The following TLL2 variants were observed in gnomAD, a reference collection of about 807,000 sequenced individuals.
TLL2 encodes the protein tolloid like 2, also known as tolloid-like protein 2.
Under a neutral mutation model 123.0 loss-of-function variants are expected in TLL2, and 106 were observed. The ratio of observed to expected loss-of-function variants is 0.86; its 90% CI spans 0.74 to 1.01. The LOEUF (loss-of-function observed/expected upper bound fraction) is 1.01. Ranked by LOEUF, TLL2 falls within the 50% of genes least tolerant of loss-of-function variation. TLL2 has a pLI of 0.00. For synonymous variants in TLL2, 494 were observed against 516.8 expected, an observed-to-expected ratio of 0.96 and a Z score of 0.60; for missense variants, 1,332 against 1,336.7, an observed-to-expected ratio of 1.00 and a Z score of 0.06.
chr10:96,451,090 C>T (rs917791981), intron 2 of TLL2, among the ~76,000 whole-genome samples: 8 of 152,218 alleles, frequency 5.3e-5, no homozygotes, highest in African/African-American at 1.9e-4. Flanking sequence ...AGGTCAGCGG[C>T]CCGTGATGCA....
chr10:96,428,771 C>G, intron 4 of TLL2, 23 bp from the exon 5 acceptor site: 2 of 1,476,626 alleles, frequency 1.4e-6, no homozygotes, highest in Non-Finnish European at 1.9e-6. Flanking sequence ...GGCAAGCACT[C>G]GACTTCAATG....
Position 96,428,618 on chromosome 10 carries a change from T to G in TLL2, c.638+13A>C. On this transcript the variant is annotated intron_variant, in intron 5 of 20. Transcript: ENST00000357947. ...CTGATTCTGCAGAGGTGGCCTCGCT[T>G]TCGTTTACTTACCCACAGGTTCTGT... 1 of 1,587,878 alleles carries G rather than the reference T, an allele frequency of 6.3e-7. No homozygotes were observed. Among genetic ancestry groups the G allele is most frequent in the Non-Finnish European group, 8.6e-7 (1 of 1,157,516 alleles).
chr10:96,418,870 T>G, intron 7 of TLL2, among the ~76,000 whole-genome samples: 1 of 150,284 alleles, frequency 6.7e-6, no homozygotes, highest in East Asian at 1.9e-4. Context: ...TAATTATTAA[T>G]AGATAAATTA....
chr10:96,430,400 C>T (rs1305207257), intron 4 of TLL2, among the ~76,000 whole-genome samples: 1 of 152,226 alleles, frequency 6.6e-6, no homozygotes, highest in Non-Finnish European at 1.5e-5. Context: ...CCATGCTTCT[C>T]AGACAGCCTA....
At chr10:96,480,530 A>C in intron 1 of TLL2, 71 bp from the exon 2 acceptor site, 2 of 1,209,098 alleles carry the variant, frequency 1.7e-6, no homozygotes, top group Non-Finnish European at 2.5e-6. Context: ...TAATGCCCCA[A>C]AGGGCATTGG....
intron 11 of TLL2, among the ~76,000 whole-genome samples, chr10:96,396,391 G>T (rs1338848609): frequency 6.6e-6 from 1 of 152,176 alleles, no homozygotes; most frequent in Admixed American, 6.5e-5. Context: ...ATTCAAGGTA[G>T]AGAGTACAGG....
At chr10:96,436,406 T>C (rs956236288) in intron 3 of TLL2, among the ~76,000 whole-genome samples, 3 of 152,246 alleles carry the variant, frequency 2.0e-5, no homozygotes, top group Non-Finnish European at 4.4e-5. Context: ...GGGTTTCATA[T>C]GTTGTTCAAA....
intron 2 of TLL2, among the ~76,000 whole-genome samples, chr10:96,459,689 AAAAAAAAAAAAAAAAAATATAT>A (rs1847055265): frequency 3.7e-5 from 2 of 54,468 alleles, no homozygotes; most frequent in South Asian, 6.7e-4. Flanking sequence ...AAAAAAAAAA[AAAAAAAAAAAAAAAAAATATAT>A]ATATATATAT....
At position 96,478,796 on chromosome 10, in the gene TLL2, G is replaced by A. The variant is rs560456276; in HGVS notation, c.286+1553C>T. Among the ~76,000 whole-genome samples the A allele has an allele frequency of 2.0e-5, 3 of 152,292 alleles. No homozygotes were observed. In the East Asian group the frequency reaches 5.8e-4, roughly 29 times the overall value. On this transcript the variant is annotated intron_variant, in intron 2 of 20. Coordinates refer to ENST00000357947, the MANE Select transcript of TLL2 (RefSeq NM_012465.4). ...CAGACCAGTGGCTACTTTGGGACAC[G>A]TATTAACTGGGAGGGATGTGAGGAG...
intron 9 of TLL2, among the ~76,000 whole-genome samples, chr10:96,410,016 G>A (rs919003695): frequency 2.6e-5 from 4 of 152,204 alleles, no homozygotes; most frequent in African/African-American, 9.6e-5. Context: ...AGCCAGCTGT[G>A]GGCTGGCTCC....
chr10:96,376,857 C>A, intron 17 of TLL2, 38 bp from the exon 18 acceptor site: 2 of 1,487,646 alleles, frequency 1.3e-6, no homozygotes, highest in South Asian at 2.8e-5. Flanking sequence ...AGAGAGAAGT[C>A]ATTCACTGTG....
chr10:96,419,531 G>A (rs1846599225), intron 7 of TLL2, among the ~76,000 whole-genome samples: 1 of 151,540 alleles, frequency 6.6e-6, no homozygotes, highest in African/African-American at 2.4e-5. Context: ...GCCAGGAGAA[G>A]GTCAAAGAGG....
intron 2 of TLL2, among the ~76,000 whole-genome samples, chr10:96,453,934 A>AGCC (rs1396784634): frequency 1.3e-5 from 2 of 152,254 alleles, no homozygotes; most frequent in East Asian, 1.9e-4. Context: ...TTACTTTATA[A>AGCC]TCAGGAAACA....
At chr10:96,459,924 A>G (rs4347313) in intron 2 of TLL2, among the ~76,000 whole-genome samples, 58,131 of 150,584 alleles carry the variant, frequency 0.39, 11,490 homozygotes, top group Middle Eastern at 0.5. Flanking sequence ...GAAAGAAAGT[A>G]TAAGAAAGAA....
intron 5 of TLL2, among the ~76,000 whole-genome samples, chr10:96,424,035 A>G (rs1325925548): frequency 6.6e-6 from 1 of 152,214 alleles, no homozygotes; most frequent in Admixed American, 6.5e-5. Flanking sequence ...TCATTATGTT[A>G]AGTGAAATAC....
At chr10:96,409,656 G>A (rs1349822087) in intron 9 of TLL2, among the ~76,000 whole-genome samples, 1 of 152,212 alleles carries the variant, frequency 6.6e-6, no homozygotes, top group Non-Finnish European at 1.5e-5. Context: ...TTGGACCAGA[G>A]TGAAAGAGAT....
At position 96,445,144 on chromosome 10, in the gene TLL2, G is replaced by C. The variant is rs542993329; in HGVS notation, c.364+947C>G. 6.6e-5 allele frequency among the ~76,000 whole-genome samples: 10 copies of C among 152,230 alleles called. No homozygotes were observed. In the South Asian group the frequency reaches 2.1e-3, roughly 32 times the overall value. ...GCGGAGCTTGCAGTGAGCTGAGATC[G>C]CACCACTGCACTCCAGCCTGGGCGA... On this transcript the variant is annotated intron_variant, in intron 3 of 20. Transcript: ENST00000357947.
chr10:96,424,808 G>A (rs1019104180), intron 5 of TLL2, among the ~76,000 whole-genome samples: 2 of 151,846 alleles, frequency 1.3e-5, no homozygotes, highest in Non-Finnish European at 1.5e-5. Flanking sequence ...TTTAATGTTA[G>A]TATTACAAAA....
chr10:96,384,782 G>A lies in TLL2; in HGVS notation c.2014-15C>T, dbSNP rs1264919827. Reference sequence around the variant, plus strand: ...TACTTACAGACCTGCAAGGGAGCATGATGGGGAGCTTCCCAGAGTCCCTGT... The same window carrying A: ...TACTTACAGACCTGCAAGGGAGCATAATGGGGAGCTTCCCAGAGTCCCTGT... On this transcript the variant is annotated splice_polypyrimidine_tract_variant and intron_variant, in intron 15 of 20. Transcript: ENST00000357947. The A allele has an allele frequency of 6.4e-7, 1 of 1,560,088 alleles. No homozygotes were observed. The highest frequency in any genetic ancestry group is 1.8e-5 in the Admixed American group (1 of 56,300).
Sources: allele counts gnomAD v4.1 joint callset (sites outside exome capture counted in the v4.1 genomes callset), GRCh38; gene constraint gnomAD v4.1.1; transcripts MANE v1.5; gene names NCBI Gene and HGNC (gene_info 2026-07-23, HGNC 2026-07-21).